GLIS1: variants seen among roughly 807,000 people sequenced by gnomAD.
GLIS1 encodes GLIS family zinc finger 1.
A neutral mutation model predicts 63.8 loss-of-function variants in GLIS1; 24 were observed. That is an observed-to-expected ratio of 0.38 (90% CI 0.27 to 0.53). The LOEUF is 0.53. Among genes scored for constraint, GLIS1 ranks in the 20% least tolerant of loss-of-function variants. GLIS1 has a pLI of 0.85. For missense variants in GLIS1, 1,036 were observed against 1,074.1 expected (o/e 0.96, Z 0.50); for synonymous variants, 450 against 482.5 (o/e 0.93, Z 0.88).
intron 2 of GLIS1, among the ~76,000 whole-genome samples, chr1:53,734,691 G>A (rs922342670): frequency 6.6e-6 from 1 of 152,230 alleles, no homozygotes; most frequent in Non-Finnish European, 1.5e-5. Context: ...GGGCAGACAA[G>A]AGGATGTGTG....
At chr1:53,623,280 C>T (rs1324199559) in intron 2 of GLIS1, among the ~76,000 whole-genome samples, 1 of 152,128 alleles carries the variant, frequency 6.6e-6, no homozygotes, top group Non-Finnish European at 1.5e-5. Context: ...ACATAATTCA[C>T]TTAATCAAAA....
intron 4 of GLIS1, among the ~76,000 whole-genome samples, chr1:53,558,413 C>T (rs61770270): frequency 0.14 from 20,638 of 152,208 alleles, 1,671 homozygotes; most frequent in Non-Finnish European, 0.17. Context: ...TGCATTCAAA[C>T]CTCTGCCCTG....
chr1:53,612,882 G>C (rs948623667), intron 2 of GLIS1, among the ~76,000 whole-genome samples: 1 of 148,366 alleles, frequency 6.7e-6, no homozygotes, highest in East Asian at 2.0e-4. Context: ...GCAGTGGCAC[G>C]ATCTCGACTC....
intron 4 of GLIS1, among the ~76,000 whole-genome samples, chr1:53,592,232 A>G (rs12097128): frequency 0.048 from 7,274 of 152,222 alleles, 402 homozygotes; most frequent in African/African-American, 0.13. Flanking sequence ...CAAGCTAGAA[A>G]GTGGGCGGGG....
chr1:53,512,783 C>T (rs1376704117), intron 8 of GLIS1, among the ~76,000 whole-genome samples: 3 of 151,894 alleles, frequency 2.0e-5, no homozygotes, highest in Non-Finnish European at 2.9e-5. Flanking sequence ...ATGAATGAGG[C>T]GGAGCAGAGT....
At chr1:53,608,704 G>T (rs1384302540) in intron 2 of GLIS1, among the ~76,000 whole-genome samples, 2 of 152,160 alleles carry the variant, frequency 1.3e-5, no homozygotes, top group African/African-American at 4.8e-5. Context: ...CATACAGCAG[G>T]CACTACATAA....
At chr1:53,633,006 G>GCA (rs1320658338) in intron 2 of GLIS1, among the ~76,000 whole-genome samples, 2 of 146,418 alleles carry the variant, frequency 1.4e-5, no homozygotes, top group African/African-American at 5.1e-5. Context: ...TGACTGAGGG[G>GCA]TGTGAATGAG....
Position 53,506,296 on chromosome 1 carries a change from G to C in GLIS1, c.*323C>G, listed in dbSNP as rs760026556. The C allele has an allele frequency of 2.2e-4, 71 of 321,218 alleles. No homozygotes were observed. The highest frequency in any genetic ancestry group is 2.0e-3 in the South Asian group (17 of 8,592). The allele number at this position is 321,218 out of a possible 1,614,324, so 19.9% of individuals were successfully genotyped here. ...AACCAAAAATATAAAACTGGCAGGG[G>C]AACGGAAAACAAGTTCTGCATATTT... On this transcript the variant is annotated 3_prime_UTR_variant, in exon 11 of 11. Coordinates refer to ENST00000628545, the MANE Select transcript of GLIS1 (RefSeq NM_001367484.1).
intron 2 of GLIS1, among the ~76,000 whole-genome samples, chr1:53,708,696 G>A (rs1221802893): frequency 6.6e-6 from 1 of 152,044 alleles, no homozygotes; most frequent in African/African-American, 2.4e-5. Flanking sequence ...TTACTTCCAG[G>A]CCCATCCCCA....
rs1234590501 is a variant in GLIS1, at chr1:53,574,857, A to T, written c.1320+19251T>A. 2.6e-5 allele frequency among the ~76,000 whole-genome samples: 4 copies of T among 152,112 alleles called. No homozygotes were observed. Among genetic ancestry groups the T allele is most frequent in the Non-Finnish European group, 5.9e-5 (4 of 68,016 alleles). On this transcript the variant is annotated intron_variant, in intron 4 of 10. Coordinates refer to ENST00000628545, the MANE Select transcript of GLIS1 (RefSeq NM_001367484.1). The surrounding 1 kb of genome is among the most constrained non-coding windows in gnomAD (Gnocchi z 4.2). ...CAAGGTTTGGCCACAGGCCCGTTGG[A>T]GGGAGGATGTCTTCCCTCGCCCACA...
chr1:53,728,945 A>T (rs1000307401), intron 2 of GLIS1, among the ~76,000 whole-genome samples: 21 of 152,232 alleles, frequency 1.4e-4, no homozygotes, highest in African/African-American at 5.1e-4. Context: ...GCATGTACCA[A>T]GAACTATCTG....
chr1:53,532,321 G>C (rs994819692), intron 4 of GLIS1, among the ~76,000 whole-genome samples: 3 of 152,148 alleles, frequency 2.0e-5, no homozygotes, highest in African/African-American at 7.2e-5. Flanking sequence ...CACAGGCCAG[G>C]GCAGAGCTGC....
intron 10 of GLIS1, 73 bp from the exon 11 acceptor site, chr1:53,506,849 G>T: frequency 7.1e-7 from 1 of 1,410,434 alleles, no homozygotes; most frequent in Non-Finnish European, 9.6e-7. Context: ...CCAGTTCCAG[G>T]CCCCACCCCG....
chr1:53,599,907 G>A (rs1009886629), intron 3 of GLIS1, among the ~76,000 whole-genome samples, 194 bp downstream of exon 3: 1 of 152,246 alleles, frequency 6.6e-6, no homozygotes, highest in African/African-American at 2.4e-5. Flanking sequence ...CACCTCAACA[G>A]AACCATCTTG....
intron 4 of GLIS1, among the ~76,000 whole-genome samples, chr1:53,569,658 T>A (rs1305879418): frequency 2.6e-5 from 4 of 152,104 alleles, no homozygotes; most frequent in Non-Finnish European, 5.9e-5. Flanking sequence ...AATAAAATGT[T>A]CTTTATTCAC....
chr1:53,594,282 C>T lies in GLIS1; in HGVS notation c.1146G>A (p.Glu382=). 6.2e-7 allele frequency: 1 copy of T among 1,613,234 alleles called. No homozygotes were observed. The highest frequency in any genetic ancestry group is 8.5e-7 in the Non-Finnish European group (1 of 1,179,954). The change falls in exon 4 of 11, where the codon GAG becomes GAA. Residue 382 remains glutamate, a synonymous_variant. Transcript: ENST00000628545. ...TGTGCCGCACCAGCTCCTCCTGCTG[C>T]TCATAGGCTGCACAGCAGTCCACCC... ...CRWVDCCAAY[E]QQEELVRHIE... is the part of the protein sequence containing the mutation.
chr1:53,506,825 C>T (rs1462986185), intron 10 of GLIS1, 49 bp from the exon 11 acceptor site: 2 of 1,558,122 alleles, frequency 1.3e-6, no homozygotes, highest in East Asian at 2.3e-5. Flanking sequence ...AGGGGCTGTG[C>T]CTGCGCATGC....
rs576306104 is a variant in GLIS1 at position 53,722,526 on chromosome 1, T to C, written c.259+15280A>G. On this transcript the variant is annotated intron_variant, in intron 2 of 10. Transcript: ENST00000628545. The stretch of plus-strand genomic sequence containing the variant: ...ATTTTAATGTATCACCTATTCAAAA[T>C]ACTTCAACAAATTTAATAAAACGTA... 8.5e-5 allele frequency among the ~76,000 whole-genome samples: 13 copies of C among 152,264 alleles called. 1 individual carries two copies. The South Asian group carries it at 1.7e-3, about 19-fold the overall frequency.
intron 4 of GLIS1, among the ~76,000 whole-genome samples, chr1:53,591,300 C>T (rs1011631785): frequency 1.3e-5 from 2 of 152,182 alleles, no homozygotes; most frequent in African/African-American, 4.8e-5. Context: ...ACGCCCACCC[C>T]ACCGCAGGCA....
Sources: gnomAD v4.1 joint callset for allele counts (sites outside exome capture counted in the v4.1 genomes callset) on GRCh38, gnomAD v4.1.1 for gene constraint, Gnocchi (gnomAD v3.1) non-coding constraint, MANE v1.5 for transcripts, NCBI Gene and HGNC (gene_info 2026-07-23, HGNC 2026-07-21) for gene names.